The following HIVEP3 variants were observed in gnomAD, a reference collection of about 807,000 sequenced individuals.
HIVEP3 encodes HIVEP zinc finger 3.
HIVEP3 carries 49 observed loss-of-function variants against 152.8 expected under a neutral mutation model. The ratio of observed to expected loss-of-function variants is 0.32; its 90% confidence interval spans 0.26 to 0.41. HIVEP3 has a LOEUF of 0.41. HIVEP3 is among the 10% of genes least tolerant of loss of function. The pLI is 1.00. For missense variants in HIVEP3, 2,790 were observed against 3,103.3 expected (o/e 0.90, Z 2.40); for synonymous variants, 1,269 against 1,289.0 (o/e 0.98, Z 0.33).
intron 5 of HIVEP3, among the ~76,000 whole-genome samples, chr1:41,559,119 C>T (rs755553081): frequency 2.6e-5 from 4 of 152,088 alleles, no homozygotes; most frequent in African/African-American, 9.7e-5. Context: ...CCGCTTGGAG[C>T]TTTGGCCCCG....
At chr1:41,753,154 G>T (rs559839176) in intron 1 of HIVEP3, among the ~76,000 whole-genome samples, 3 of 152,316 alleles carry the variant, frequency 2.0e-5, no homozygotes. Context: ...GCATTGGTGG[G>T]AGTGTAGGGA....
rs951815866 is a variant in HIVEP3, at chr1:41,539,705, G to A, written c.5208-14795C>T. On this transcript the variant is annotated intron_variant, in intron 5 of 8. Coordinates refer to ENST00000372583, the MANE Select transcript of HIVEP3 (RefSeq NM_024503.5). ...CTGACCTCACAGTGACCAGGCCCTC[G>A]CTATGTGCCACACGCTTTCCGTAGG... Among the ~76,000 whole-genome samples the A allele has an allele frequency of 5.3e-5, 8 of 152,174 alleles. No homozygotes were observed. In the East Asian group the frequency reaches 1.2e-3, roughly 22 times the overall value.
chr1:41,692,731 C>T (rs1204062159), intron 2 of HIVEP3, among the ~76,000 whole-genome samples: 3 of 152,180 alleles, frequency 2.0e-5, no homozygotes, highest in Non-Finnish European at 4.4e-5. Flanking sequence ...GTTCCATACC[C>T]TTTTGATACT....
chr1:41,967,017 T>C (rs940385410), intron 1 of HIVEP3, among the ~76,000 whole-genome samples: 9 of 152,248 alleles, frequency 5.9e-5, no homozygotes, highest in African/African-American at 1.2e-4. Flanking sequence ...TAAATATATA[T>C]GCACCTAATA....
chr1:41,700,839 G>T (rs1646351522), intron 2 of HIVEP3, 77 bp downstream of exon 2: 2 of 572,100 alleles, frequency 3.5e-6, no homozygotes, highest in Non-Finnish European at 4.4e-6. Flanking sequence ...CTACCTCCTG[G>T]CCTCAAAACA....
intron 1 of HIVEP3, among the ~76,000 whole-genome samples, chr1:41,733,887 T>C (rs1646878612): frequency 6.6e-6 from 1 of 152,082 alleles, no homozygotes; most frequent in African/African-American, 2.4e-5. Flanking sequence ...TCTCAAGGCC[T>C]CAGCTCCTCC....
Position 41,524,834 on chromosome 1 carries a change from G to T in HIVEP3, c.5284C>A (p.Arg1762Ser). 1 of 1,614,096 alleles carries T rather than the reference G, an allele frequency of 6.2e-7. No individual in the cohort carries two copies. The highest frequency in any genetic ancestry group is 2.2e-5 in the East Asian group (1 of 44,890). Residue 1762 changes from arginine to serine, a missense_variant, in exon 6 of 9, where the codon CGC becomes AGC. This residue lies in a region of HIVEP3 where 57 missense variants were observed against 95.1 expected (regional missense o/e 0.60). Coordinates refer to ENST00000372583, the MANE Select transcript of HIVEP3 (RefSeq NM_024503.5). The stretch of plus-strand genomic sequence containing the variant: ...TTCAGCATGCTGGGCTTCTTGCAGC[G>T]AATTCCACACTCCTCACAAACATAT... Reference protein sequence around the residue: ...GKYVCEECGIRCKKPSMLKKH... With the variant: ...GKYVCEECGISCKKPSMLKKH...
intron 5 of HIVEP3, among the ~76,000 whole-genome samples, chr1:41,526,373 C>T (rs1642910130): frequency 1.4e-5 from 2 of 146,778 alleles, no homozygotes; most frequent in Non-Finnish European, 1.5e-5. Flanking sequence ...CTCACCCTCA[C>T]ACGCTCGCCC....
At position 41,512,929 on chromosome 1, in the gene HIVEP3, A is replaced by T. The variant is rs1001175905; in HGVS notation, c.6292T>A (p.Ser2098Thr). 2.5e-6 allele frequency: 4 copies of T among 1,599,742 alleles called. No homozygotes were observed. Among genetic ancestry groups the T allele is most frequent in the Middle Eastern group, 1.7e-4 (1 of 5,784 alleles). The change falls in exon 8 of 9, where the codon TCA becomes ACA. Residue 2098 changes from serine to threonine, a missense_variant. Ser to Thr is a moderately conservative substitution (Grantham distance 58). Transcript: ENST00000372583. ...AAGCCTGGGCCATGCTCCCCCGCTG[A>T]GGGGCTGCCCGGCCCAGCCAAGGCC... is the stretch of plus-strand genomic sequence containing the variant. ...KWALAGPGSP[S>T]AGEHGPGLGL...
intron 1 of HIVEP3, among the ~76,000 whole-genome samples, chr1:41,704,006 C>G (rs1363692328): frequency 6.6e-6 from 1 of 152,172 alleles, no homozygotes; most frequent in East Asian, 1.9e-4. Context: ...TTCTGTCACT[C>G]ACTAGTTGTA....
intron 1 of HIVEP3, among the ~76,000 whole-genome samples, chr1:41,951,293 G>C (rs1645105110): frequency 1.3e-5 from 2 of 152,176 alleles, no homozygotes; most frequent in Non-Finnish European, 2.9e-5. Context: ...ATAATGTTTA[G>C]GGGAAAAGGC....
Position 41,582,115 on chromosome 1 carries a change from G to C in HIVEP3, c.2683C>G (p.Gln895Glu). ...QWPQRSQTLA[Q>E]LPAEKLPPKK... is the part of the protein sequence containing the mutation. ...GGTGGCAGCTTCTCAGCTGGGAGCT[G>C]GGCAAGTGTCTGGCTGCGCTGGGGC... The change falls in exon 4 of 9, where the codon CAG (glutamine) becomes GAG (glutamate). Residue 895 changes from glutamine (Q) to glutamate (E), a missense_variant. Transcript: ENST00000372583. The surrounding 1 kb of genome is among the most constrained non-coding windows in gnomAD (Gnocchi z 4.7). 1 of 1,614,136 alleles carries C rather than the reference G, an allele frequency of 6.2e-7. No homozygotes were observed. Among genetic ancestry groups the C allele is most frequent in the Non-Finnish European group, 8.5e-7 (1 of 1,180,012 alleles).
intron 1 of HIVEP3, among the ~76,000 whole-genome samples, chr1:41,760,435 C>T (rs1570476520): frequency 6.6e-6 from 1 of 152,264 alleles, no homozygotes; most frequent in African/African-American, 2.4e-5. Context: ...CTCTCACGTC[C>T]ACAGGTCAAT....
At chr1:41,982,961 G>A (rs969929418) in intron 1 of HIVEP3, among the ~76,000 whole-genome samples, 4 of 152,210 alleles carry the variant, frequency 2.6e-5, no homozygotes, top group East Asian at 1.9e-4. Context: ...TCCATAGACC[G>A]GTAGCAGGGG....
chr1:41,532,659 G>T (rs1643295331), intron 5 of HIVEP3, among the ~76,000 whole-genome samples: 1 of 152,148 alleles, frequency 6.6e-6, no homozygotes, highest in Admixed American at 6.5e-5. Context: ...TGGGGCAGGG[G>T]TCAGAACGAA....
chr1:41,615,610 A>G (rs1227296355), intron 3 of HIVEP3, among the ~76,000 whole-genome samples: 1 of 152,212 alleles, frequency 6.6e-6, no homozygotes, highest in East Asian at 1.9e-4. Flanking sequence ...GAAACTCACC[A>G]AAAGAGTCTA....
intron 5 of HIVEP3, among the ~76,000 whole-genome samples, chr1:41,531,904 G>A (rs1643268652): frequency 3.8e-5 from 5 of 130,916 alleles, no homozygotes; most frequent in Non-Finnish European, 4.9e-5. Context: ...GGAGGACAGG[G>A]GAGATGGAGG....
chr1:42,034,907 T>C (rs1645632465), intron 1 of HIVEP3, among the ~76,000 whole-genome samples: 1 of 152,140 alleles, frequency 6.6e-6, no homozygotes, highest in Non-Finnish European at 1.5e-5. Context: ...CGTGCCATTA[T>C]TACCAAAGCC....
chr1:41,805,155 G>A (rs1212291491), intron 1 of HIVEP3, among the ~76,000 whole-genome samples: 1 of 152,120 alleles, frequency 6.6e-6, no homozygotes, highest in African/African-American at 2.4e-5. Flanking sequence ...TGGCCAACAT[G>A]GGGAAACCCC....
Sources: gnomAD v4.1 joint callset for allele counts (sites outside exome capture counted in the v4.1 genomes callset) on GRCh38, gnomAD v4.1.1 for gene constraint, gnomAD v4.1.1 regional missense constraint, Gnocchi (gnomAD v3.1) non-coding constraint, MANE v1.5 for transcripts, NCBI Gene and HGNC (gene_info 2026-07-23, HGNC 2026-07-21) for gene names.